The following ARMH4 variants were observed in gnomAD, a reference collection of about 807,000 sequenced individuals.
The protein encoded by ARMH4 is armadillo-like helical domain-containing protein 4.
Under a neutral mutation model 61.9 loss-of-function variants are expected in ARMH4, and 49 were observed. The ratio of observed to expected loss-of-function variants is 0.79; its 90% CI spans 0.63 to 1.00. The LOEUF (loss-of-function observed/expected upper bound fraction) is 1.00. ARMH4 is among the 50% of genes least tolerant of loss of function. The pLI, the probability that ARMH4 is intolerant of heterozygous loss-of-function variation, is 0.00. For missense variants in ARMH4, 934 were observed against 930.0 expected, an observed-to-expected ratio of 1.00 and a Z score of -0.06; for synonymous variants, 368 against 341.5, an observed-to-expected ratio of 1.08 and a Z score of -0.85.
Position 58,045,295 on chromosome 14 carries a change from A to C in ARMH4, c.2090-33145T>G, listed in dbSNP as rs183840062. Among the ~76,000 whole-genome samples, 19 of 152,324 alleles carry C rather than the reference A, an allele frequency of 1.2e-4. No individual in the cohort carries two copies. In the East Asian group the frequency reaches 3.3e-3, roughly 26 times the overall value. On this transcript the variant is annotated intron_variant, in intron 5 of 7. Coordinates refer to ENST00000267485, the MANE Select transcript of ARMH4 (RefSeq NM_001001872.4). The stretch of plus-strand genomic sequence containing the variant: ...TACTATGCAGCCATAAAAAATGATG[A>C]GTTCATGTGCTTTGTAGGGACATGG...
At chr14:58,086,598 T>C (rs924787253) in intron 5 of ARMH4, among the ~76,000 whole-genome samples, 4 of 151,958 alleles carry the variant, frequency 2.6e-5, no homozygotes, top group Non-Finnish European at 4.4e-5. Flanking sequence ...AGAGATGCAA[T>C]AGAGCATCCC....
chr14:58,084,719 C>T (rs867082182), intron 5 of ARMH4, among the ~76,000 whole-genome samples: 6 of 152,288 alleles, frequency 3.9e-5, no homozygotes, highest in Non-Finnish European at 8.8e-5. Flanking sequence ...AAGTTGTGAG[C>T]ACTTCATTTT....
Position 58,133,355 on chromosome 14 carries a change from A to C in ARMH4, c.1370-14T>G, listed in dbSNP as rs1479190089. Reference sequence around the variant, plus strand: ...GAGTGATGATGTCTTAAAGGGGGGAAAACATTTAAAAATAGACCAAATCCC... The same window carrying C: ...GAGTGATGATGTCTTAAAGGGGGGACAACATTTAAAAATAGACCAAATCCC... On this transcript the variant is annotated splice_polypyrimidine_tract_variant and intron_variant, in intron 2 of 7. Transcript: ENST00000267485. 1.3e-6 allele frequency: 2 copies of C among 1,598,832 alleles called. No homozygotes were observed. The highest frequency in any genetic ancestry group is 1.1e-5 in the South Asian group (1 of 88,320).
In ARMH4 at chr14:58,087,264, T is replaced by C. The variant is rs371432037; in HGVS notation, c.2089+9460A>G. Among the ~76,000 whole-genome samples the C allele has an allele frequency of 2.9e-4, 44 of 152,326 alleles. 2 individuals carry two copies. The South Asian group carries it at 7.7e-3, about 27-fold the overall frequency. ...TTCATTTAGGAGATCCTACGTAACC[T>C]ACTACTTATAGTATTGCTTCTGTGA... On this transcript the variant is annotated intron_variant, in intron 5 of 7. Coordinates refer to ENST00000267485, the MANE Select transcript of ARMH4 (RefSeq NM_001001872.4).
At chr14:58,110,561 G>A (rs1260974646) in intron 4 of ARMH4, among the ~76,000 whole-genome samples, 4 of 151,914 alleles carry the variant, frequency 2.6e-5, no homozygotes, top group South Asian at 4.1e-4. Flanking sequence ...TTTGATTTTC[G>A]ATTATAATTT....
intron 4 of ARMH4, among the ~76,000 whole-genome samples, chr14:58,108,436 T>A (rs1198436582): frequency 6.6e-6 from 1 of 152,226 alleles, no homozygotes; most frequent in Non-Finnish European, 1.5e-5. Flanking sequence ...CTGTTACACC[T>A]ATCTGCATAT....
chr14:58,024,055 A>G (rs1882939042), intron 5 of ARMH4, among the ~76,000 whole-genome samples: 1 of 152,196 alleles, frequency 6.6e-6, no homozygotes, highest in Admixed American at 6.5e-5. Flanking sequence ...CTAGGATTTT[A>G]GGAATAGCCA....
At chr14:58,118,266 G>T (rs571732505) in intron 4 of ARMH4, among the ~76,000 whole-genome samples, 6 of 152,210 alleles carry the variant, frequency 3.9e-5, no homozygotes, top group South Asian at 2.1e-4. Context: ...TGAGAACAGT[G>T]CTATACTGCC....
chr14:58,038,783 G>T (rs1034348408), intron 5 of ARMH4, among the ~76,000 whole-genome samples: 1 of 152,096 alleles, frequency 6.6e-6, no homozygotes, highest in African/African-American at 2.4e-5. Context: ...ATTTATTGGT[G>T]ACAAAGACAC....
intron 4 of ARMH4, among the ~76,000 whole-genome samples, chr14:58,126,565 C>A (rs8017387): frequency 2.0e-5 from 3 of 151,988 alleles, no homozygotes; most frequent in African/African-American, 7.3e-5. Context: ...ATCTCTGAAA[C>A]AGATTAAACA....
At chr14:58,120,114 G>A (rs1174974554) in intron 4 of ARMH4, among the ~76,000 whole-genome samples, 2 of 152,110 alleles carry the variant, frequency 1.3e-5, no homozygotes, top group African/African-American at 2.4e-5. Context: ...ATAAGGTATA[G>A]CCTATTGCTC....
chr14:58,138,626 T>G lies in ARMH4; in HGVS notation c.733A>C (p.Ser245Arg), dbSNP rs1254913406. 6.2e-7 allele frequency: 1 copy of G among 1,614,096 alleles called. No individual in the cohort carries two copies. The highest frequency in any genetic ancestry group is 2.2e-5 in the East Asian group (1 of 44,890). The change falls in exon 2 of 8, where the codon AGT becomes CGT. Residue 245 changes from serine to arginine, a missense_variant. Transcript: ENST00000267485. ...SFPGAESTAG[S>R]EPGSLTPDKE... ...TCAGGGGTGAGGCTTCCAGGCTCAC[T>G]GCCTGCTGTGGACTCAGCACCAGGA...
intron 5 of ARMH4, among the ~76,000 whole-genome samples, chr14:58,051,698 C>A (rs1403888139): frequency 2.6e-5 from 4 of 152,102 alleles, no homozygotes; most frequent in Non-Finnish European, 5.9e-5. Context: ...AGACTGAAGT[C>A]ATTTTTTATT....
intron 1 of ARMH4, among the ~76,000 whole-genome samples, chr14:58,150,393 C>T (rs1463526734): frequency 3.3e-5 from 5 of 152,198 alleles, no homozygotes; most frequent in African/African-American, 7.2e-5. Context: ...CAATTCCATA[C>T]ACCACTTTTC....
intron 5 of ARMH4, among the ~76,000 whole-genome samples, chr14:58,043,816 C>T (rs561244334): frequency 1.3e-5 from 2 of 152,250 alleles, no homozygotes; most frequent in African/African-American, 4.8e-5. Context: ...CAATAACAGA[C>T]AGACAGAGAG....
chr14:58,032,706 G>C (rs1019916971), intron 5 of ARMH4, among the ~76,000 whole-genome samples: 2 of 149,358 alleles, frequency 1.3e-5, no homozygotes, highest in Non-Finnish European at 3.0e-5. Context: ...CACCGTGCGC[G>C]AGCCGAAGCA....
chr14:58,089,211 T>G (rs750367209), intron 5 of ARMH4, among the ~76,000 whole-genome samples: 8 of 152,230 alleles, frequency 5.3e-5, no homozygotes, highest in Admixed American at 2.0e-4. Context: ...AGGCCATAGC[T>G]TAACATGTTA....
intron 5 of ARMH4, among the ~76,000 whole-genome samples, chr14:58,048,699 G>T (rs894248848): frequency 1.3e-5 from 2 of 152,214 alleles, no homozygotes; most frequent in Non-Finnish European, 2.9e-5. Flanking sequence ...AAGAATGTGA[G>T]TATAAGCAAG....
intron 5 of ARMH4, among the ~76,000 whole-genome samples, chr14:58,049,902 A>G (rs1461694849): frequency 6.6e-6 from 1 of 151,880 alleles, no homozygotes; most frequent in Non-Finnish European, 1.5e-5. Context: ...AAAGAACAAC[A>G]CTTCTTTTTT....
Sources: allele counts gnomAD v4.1 joint callset (sites outside exome capture counted in the v4.1 genomes callset), GRCh38; gene constraint gnomAD v4.1.1; transcripts MANE v1.5; gene names NCBI Gene and HGNC (gene_info 2026-07-23, HGNC 2026-07-21).